RORA: variants seen among roughly 807,000 people sequenced by gnomAD.
RORA encodes the protein RAR related orphan receptor A.
A neutral mutation model predicts 69.5 loss-of-function variants in RORA; 7 were observed. The observed-to-expected ratio is 0.10, with a 90% CI of 0.06 to 0.19. The LOEUF (loss-of-function observed/expected upper bound fraction) is 0.19. Ranked by LOEUF, RORA falls within the 10% of genes least tolerant of loss-of-function variation. The pLI is 1.00. For missense variants in RORA, 457 were observed against 663.0 expected (o/e 0.69, Z 3.41); for synonymous variants, 261 against 240.8 (o/e 1.08, Z -0.78).
chr15:60,580,898 T>C (rs922091327), intron 2 of RORA, among the ~76,000 whole-genome samples: 3 of 152,354 alleles, frequency 2.0e-5, no homozygotes, highest in African/African-American at 7.2e-5. Flanking sequence ...TGAACAACCA[T>C]GTTTCTTTAC....
intron 1 of RORA, among the ~76,000 whole-genome samples, chr15:61,136,870 T>G (rs971477225): frequency 2.6e-5 from 4 of 152,134 alleles, no homozygotes; most frequent in African/African-American, 9.7e-5. Flanking sequence ...CACCTTTATT[T>G]TGAGTCCAAA....
chr15:60,734,916 A>T (rs1043882694), intron 1 of RORA, among the ~76,000 whole-genome samples: 1 of 152,154 alleles, frequency 6.6e-6, no homozygotes, highest in Non-Finnish European at 1.5e-5. Flanking sequence ...TTATTGTTTC[A>T]TTTTATCTGC....
intron 2 of RORA, among the ~76,000 whole-genome samples, chr15:60,618,461 A>C (rs1169555836): frequency 6.6e-6 from 1 of 152,206 alleles, no homozygotes; most frequent in Non-Finnish European, 1.5e-5. Context: ...GCAGTGCCCC[A>C]AAAATGTGTC....
intron 1 of RORA, among the ~76,000 whole-genome samples, chr15:60,761,631 T>A (rs1330377297): frequency 6.6e-6 from 1 of 152,204 alleles, no homozygotes; most frequent in African/African-American, 2.4e-5. Context: ...TCCTATGGTG[T>A]GCCTGAGTAA....
At chr15:60,708,229 C>T (rs1013885851) in intron 1 of RORA, among the ~76,000 whole-genome samples, 4 of 151,898 alleles carry the variant, frequency 2.6e-5, no homozygotes, top group African/African-American at 9.7e-5. Flanking sequence ...AAAATGTAGC[C>T]TGACCAACAT....
chr15:61,134,119 T>G (rs1254552642), intron 1 of RORA, among the ~76,000 whole-genome samples: 4 of 152,332 alleles, frequency 2.6e-5, no homozygotes, highest in Non-Finnish European at 5.9e-5. Context: ...TATTTGGGAC[T>G]CAGGATGAGC....
intron 1 of RORA, among the ~76,000 whole-genome samples, chr15:61,044,939 GA>G (rs539170627): frequency 9.1e-4 from 139 of 152,354 alleles, no homozygotes; most frequent in African/African-American, 3.2e-3. Context: ...TTTGTTGAAT[GA>G]ATAAATGAGT....
rs147208396 is a variant in RORA at position 60,890,991 on chromosome 15, G to T, written c.167-212305C>A. ...GTTCATGTCCAAATCACAAGGAGGC[G>T]GTTGAATAGGATTCACAGTTCTCCG... On this transcript the variant is annotated intron_variant, in intron 1 of 10. Coordinates refer to ENST00000335670, the MANE Select transcript of RORA (RefSeq NM_134261.3). Among the ~76,000 whole-genome samples, 583 of 152,300 alleles carry T rather than the reference G, an allele frequency of 3.8e-3. 7 individuals are homozygous for T. Among genetic ancestry groups the T allele is most frequent in the African/African-American group, 0.013 (541 of 41,548 alleles).
At chr15:60,873,563 A>G (rs996872591) in intron 1 of RORA, among the ~76,000 whole-genome samples, 7 of 152,232 alleles carry the variant, frequency 4.6e-5, no homozygotes, top group African/African-American at 1.7e-4. Flanking sequence ...GCAGAATGAC[A>G]TAATGAGAAT....
intron 1 of RORA, among the ~76,000 whole-genome samples, chr15:60,958,674 A>C (rs1228194745): frequency 6.6e-6 from 1 of 152,214 alleles, no homozygotes; most frequent in Non-Finnish European, 1.5e-5. Context: ...AAAGGAAATA[A>C]AACGCATGGA....
At chr15:61,111,127 T>A (rs914623705) in intron 1 of RORA, among the ~76,000 whole-genome samples, 7 of 152,238 alleles carry the variant, frequency 4.6e-5, no homozygotes, top group Admixed American at 4.6e-4. Context: ...TGAAGGAGGC[T>A]GAATGGTTTG....
intron 1 of RORA, among the ~76,000 whole-genome samples, chr15:60,895,933 GA>G (rs1356996924): frequency 6.6e-6 from 1 of 152,142 alleles, no homozygotes; most frequent in Non-Finnish European, 1.5e-5. Context: ...TTTTTAATTA[GA>G]AAAAAGCAAA....
intron 1 of RORA, among the ~76,000 whole-genome samples, chr15:61,221,887 T>C (rs973203478): frequency 7.3e-5 from 11 of 150,698 alleles, no homozygotes; most frequent in African/African-American, 1.2e-4. Context: ...CCAGGTGCAG[T>C]AGTACATGCC....
intron 1 of RORA, among the ~76,000 whole-genome samples, chr15:61,196,090 T>C (rs913395849): frequency 6.6e-6 from 1 of 152,220 alleles, no homozygotes; most frequent in South Asian, 2.1e-4. Flanking sequence ...AAACCCACAA[T>C]TGCTTTTGCA....
At chr15:60,969,131 C>A (rs1164962132) in intron 1 of RORA, among the ~76,000 whole-genome samples, 1 of 152,170 alleles carries the variant, frequency 6.6e-6, no homozygotes, top group African/African-American at 2.4e-5. Context: ...TTCTGTGTGT[C>A]CCATTACTAA....
At chr15:61,228,071 A>G (rs2080164559) in intron 1 of RORA, among the ~76,000 whole-genome samples, 2 of 149,680 alleles carry the variant, frequency 1.3e-5, no homozygotes, top group South Asian at 4.4e-4. Flanking sequence ...AATGAAGAGT[A>G]AAAATCGCCA....
At chr15:60,951,615 C>T (rs1315647552) in intron 1 of RORA, among the ~76,000 whole-genome samples, 1 of 150,858 alleles carries the variant, frequency 6.6e-6, no homozygotes, top group Non-Finnish European at 1.5e-5. Flanking sequence ...GATATCACCA[C>T]CGATCCCACA....
intron 1 of RORA, among the ~76,000 whole-genome samples, chr15:60,725,936 G>C (rs2071351463): frequency 6.6e-6 from 1 of 152,172 alleles, no homozygotes; most frequent in African/African-American, 2.4e-5. Context: ...CAAGGTAAAG[G>C]CAAGAAAGGC....
At chr15:61,164,090 G>A (rs560009777) in intron 1 of RORA, among the ~76,000 whole-genome samples, 2 of 152,140 alleles carry the variant, frequency 1.3e-5, no homozygotes, top group African/African-American at 4.8e-5. Flanking sequence ...GTAGGTGTCT[G>A]TGCATCAATG....
Sources: allele counts gnomAD v4.1 joint callset (sites outside exome capture counted in the v4.1 genomes callset), GRCh38; gene constraint gnomAD v4.1.1; transcripts MANE v1.5; gene names NCBI Gene and HGNC (gene_info 2026-07-23, HGNC 2026-07-21).